Variants in SORCS3 observed in about 807,000 individuals in gnomAD.
SORCS3 encodes the protein sortilin related VPS10 domain containing receptor 3.
Under a neutral mutation model 146.3 loss-of-function variants are expected in SORCS3, and 57 were observed. The observed-to-expected ratio is 0.39, with a 90% CI of 0.31 to 0.49. The LOEUF is 0.49. Ranked by LOEUF, SORCS3 falls within the 20% of genes least tolerant of loss-of-function variation. The pLI, the probability that SORCS3 is intolerant of heterozygous loss-of-function variation, is 0.92. For synonymous variants in SORCS3, 653 were observed against 618.5 expected, an observed-to-expected ratio of 1.06 and a Z score of -0.83; for missense variants, 1,341 against 1,575.5, an observed-to-expected ratio of 0.85 and a Z score of 2.52.
chr10:105,118,647 A>T (rs1193110322), intron 7 of SORCS3, among the ~76,000 whole-genome samples: 1 of 152,136 alleles, frequency 6.6e-6, no homozygotes, highest in Non-Finnish European at 1.5e-5. Context: ...GCTGATAGTG[A>T]TATGGACAAG....
intron 3 of SORCS3, among the ~76,000 whole-genome samples, chr10:104,942,516 C>T (rs943953449): frequency 2.0e-5 from 3 of 152,148 alleles, no homozygotes; most frequent in Admixed American, 2.0e-4. Context: ...ACAGATTAAT[C>T]CTTTTTATGA....
rs1484584437 is a variant in SORCS3, at chr10:105,021,105, T to C, written c.955-21950T>C. Among the ~76,000 whole-genome samples the C allele has an allele frequency of 4.6e-5, 7 of 152,208 alleles. No homozygotes were observed. In the East Asian group the frequency reaches 1.3e-3, roughly 29 times the overall value. On this transcript the variant is annotated intron_variant, in intron 4 of 26. Transcript: ENST00000369701. ...GGCACTTGAGCCATCAGCATGTATG[T>C]ACACTTTCTTAGTTTGTTTTGTGCT...
chr10:104,864,520 G>A (rs1233790396), intron 2 of SORCS3, among the ~76,000 whole-genome samples: 2 of 152,168 alleles, frequency 1.3e-5, no homozygotes, highest in African/African-American at 2.4e-5. Context: ...GGTTAACAAA[G>A]CTTGTCCATA....
chr10:105,186,803 G>A (rs1427414358), intron 14 of SORCS3, among the ~76,000 whole-genome samples: 1 of 149,102 alleles, frequency 6.7e-6, no homozygotes, highest in Non-Finnish European at 1.5e-5. Flanking sequence ...AGAATCGCTT[G>A]AAACCAGGAG....
intron 1 of SORCS3, among the ~76,000 whole-genome samples, chr10:104,654,127 C>T (rs904190949): frequency 6.6e-6 from 1 of 152,166 alleles, no homozygotes; most frequent in Non-Finnish European, 1.5e-5. Context: ...TTGCAAATGA[C>T]TGAATCTCAT....
chr10:105,000,553 G>C (rs73334068), intron 4 of SORCS3, among the ~76,000 whole-genome samples: 1 of 152,000 alleles, frequency 6.6e-6, no homozygotes, highest in African/African-American at 2.4e-5. Flanking sequence ...ACAGTTTTAT[G>C]TATATTTATC....
intron 1 of SORCS3, among the ~76,000 whole-genome samples, chr10:104,649,343 G>A (rs1053560409): frequency 2.0e-5 from 3 of 152,204 alleles, no homozygotes; most frequent in African/African-American, 7.2e-5. Flanking sequence ...TGATGATATA[G>A]TATCTCTACC....
intron 1 of SORCS3, among the ~76,000 whole-genome samples, chr10:104,830,553 G>A (rs1454607094): frequency 1.3e-5 from 2 of 152,172 alleles, no homozygotes; most frequent in African/African-American, 4.8e-5. Flanking sequence ...CACATCAGAA[G>A]CCAGATATGT....
At chr10:105,160,544 T>C (rs896530079) in intron 11 of SORCS3, among the ~76,000 whole-genome samples, 20 of 152,256 alleles carry the variant, frequency 1.3e-4, no homozygotes, top group African/African-American at 4.8e-4. Flanking sequence ...GTAGTATTGC[T>C]TGAACCCAGG....
chr10:104,688,865 C>T (rs928731918), intron 1 of SORCS3, among the ~76,000 whole-genome samples: 3 of 152,200 alleles, frequency 2.0e-5, no homozygotes, highest in African/African-American at 7.2e-5. Context: ...CTTGAGTCCT[C>T]ACTGACAAGG....
intron 1 of SORCS3, among the ~76,000 whole-genome samples, chr10:104,811,343 GC>G (rs1323091514): frequency 3.3e-5 from 5 of 152,236 alleles, no homozygotes; most frequent in Admixed American, 6.5e-5. Context: ...AACAGAACTT[GC>G]CTGAGGGAGT....
At chr10:105,061,716 G>A (rs898832730) in intron 5 of SORCS3, among the ~76,000 whole-genome samples, 3 of 151,650 alleles carry the variant, frequency 2.0e-5, no homozygotes, top group African/African-American at 7.3e-5. Context: ...CACCACCTTT[G>A]AGGAATGAGG....
At chr10:104,842,964 C>T (rs537577163) in intron 2 of SORCS3, 105 bp downstream of exon 2, 1 of 885,502 alleles carries the variant, frequency 1.1e-6, no homozygotes, top group South Asian at 1.4e-5. Flanking sequence ...GAAGATAGTC[C>T]TCTTCCTGGA....
chr10:104,915,954 T>G (rs2019022740), intron 3 of SORCS3, 22 bp downstream of exon 3: 1 of 1,553,538 alleles, frequency 6.4e-7, no homozygotes, highest in African/African-American at 1.4e-5. Context: ...GGTCAGTAGG[T>G]CCTGAGCACT....
At chr10:105,166,120 G>A (rs984444612) in intron 12 of SORCS3, among the ~76,000 whole-genome samples, 3 of 152,120 alleles carry the variant, frequency 2.0e-5, no homozygotes, top group Non-Finnish European at 2.9e-5. Context: ...ATCATTAATA[G>A]GGACATTTTT....
chr10:104,744,246 C>G (rs538714417), intron 1 of SORCS3, among the ~76,000 whole-genome samples: 1 of 152,290 alleles, frequency 6.6e-6, no homozygotes, highest in East Asian at 1.9e-4. Flanking sequence ...GAACAAAGAA[C>G]TGACAATGAA....
At chr10:104,661,736 A>G (rs911622386) in intron 1 of SORCS3, among the ~76,000 whole-genome samples, 2 of 152,228 alleles carry the variant, frequency 1.3e-5, no homozygotes, top group African/African-American at 4.8e-5. Context: ...ATCCTGCAAT[A>G]AATAGTTTTT....
rs1335593947 is a variant in SORCS3, at chr10:104,699,915, C to A, written c.627+57961C>A. On this transcript the variant is annotated intron_variant, in intron 1 of 26. Transcript: ENST00000369701. ...TGCAATGTGAGCTTTGTTCTAGTAG[C>A]AATTCATTATGAGATACTTACAGAT... is the stretch of plus-strand genomic sequence containing the variant. Among the ~76,000 whole-genome samples, 5 of 152,170 alleles carry A rather than the reference C, an allele frequency of 3.3e-5. No individual in the cohort carries two copies. In the South Asian group the frequency reaches 8.3e-4, roughly 25 times the overall value.
chr10:104,841,868 C>T (rs142854992), intron 1 of SORCS3, among the ~76,000 whole-genome samples: 17 of 152,244 alleles, frequency 1.1e-4, no homozygotes, highest in East Asian at 3.9e-4. Context: ...TGGATTATCA[C>T]GCGTGCAGGC....
Sources: gnomAD v4.1 joint callset for allele counts (sites outside exome capture counted in the v4.1 genomes callset) on GRCh38, gnomAD v4.1.1 for gene constraint, MANE v1.5 for transcripts, NCBI Gene and HGNC (gene_info 2026-07-23, HGNC 2026-07-21) for gene names.